LRMDA: variants seen among roughly 807,000 people sequenced by gnomAD.
LRMDA encodes the protein leucine rich melanocyte differentiation associated.
Under a neutral mutation model 29.8 loss-of-function variants are expected in LRMDA, and 18 were observed. The ratio of observed to expected loss-of-function variants is 0.60; its 90% CI spans 0.42 to 0.90. The LOEUF (loss-of-function observed/expected upper bound fraction) is 0.90, where lower values mean the gene tolerates loss of function less well. Among genes scored for constraint, LRMDA ranks in the 40% least tolerant of loss-of-function variants. The probability of loss-of-function intolerance (pLI) is 0.00; values close to 1 mark genes in which losing one functional copy is unlikely to be tolerated. For missense variants in LRMDA, 273 were observed against 273.9 expected (o/e 1.00, Z 0.02); for synonymous variants, 125 against 109.4 (o/e 1.14, Z -0.89).
Position 75,543,129 on chromosome 10 carries a change from C to G in LRMDA, c.131+104635C>G, listed in dbSNP as rs1384325037. On this transcript the variant is annotated intron_variant, in intron 2 of 6. Transcript: ENST00000611255. Reference sequence around the variant, plus strand: ...CCTGGTAATTGCAAGCAGAGGCTGCCTCTCTGATCTCACCAGTGGTGCTGG... The same window carrying G: ...CCTGGTAATTGCAAGCAGAGGCTGCGTCTCTGATCTCACCAGTGGTGCTGG... Among the ~76,000 whole-genome samples the G allele has an allele frequency of 4.6e-5, 7 of 152,198 alleles. 1 individual carries two copies. Among genetic ancestry groups the G allele is most frequent in the African/African-American group, 1.4e-4 (6 of 41,462 alleles).
At chr10:76,406,036 C>T (rs1355171595) in intron 6 of LRMDA, among the ~76,000 whole-genome samples, 7 of 152,122 alleles carry the variant, frequency 4.6e-5, no homozygotes, top group African/African-American at 1.2e-4. Context: ...AACTGGCCAG[C>T]GAGGAAAACC....
chr10:76,084,364 A>ATTTTTGTTTTTT (rs1849099143), intron 5 of LRMDA, among the ~76,000 whole-genome samples: 2 of 70,902 alleles, frequency 2.8e-5, no homozygotes, highest in Non-Finnish European at 2.6e-5. Context: ...CGCCCAGCTA[A>ATTTTTGTTTTTT]TTTTTTTTTT....
chr10:75,587,857 G>C (rs1330917643), intron 2 of LRMDA, among the ~76,000 whole-genome samples: 2 of 152,226 alleles, frequency 1.3e-5, no homozygotes, highest in Non-Finnish European at 2.9e-5. Context: ...ATGACTGACT[G>C]GTTCCAGTGT....
At chr10:75,999,858 G>A (rs934936682) in intron 2 of LRMDA, among the ~76,000 whole-genome samples, 5 of 152,128 alleles carry the variant, frequency 3.3e-5, no homozygotes, top group African/African-American at 7.2e-5. Context: ...TATTGTATGC[G>A]GGAGTACTTT....
At chr10:75,657,641 T>C (rs1035178791) in intron 2 of LRMDA, among the ~76,000 whole-genome samples, 7 of 152,150 alleles carry the variant, frequency 4.6e-5, no homozygotes, top group African/African-American at 1.7e-4. Context: ...AGGATTGTTG[T>C]GAAGAGTCAA....
intron 6 of LRMDA, among the ~76,000 whole-genome samples, chr10:76,538,055 ATTACT>A (rs1158973892): frequency 6.6e-6 from 1 of 152,194 alleles, no homozygotes; most frequent in African/African-American, 2.4e-5. Flanking sequence ...GTGTTCCAAA[ATTACT>A]TTAATTAATT....
chr10:75,636,219 CT>C (rs1380819429), intron 2 of LRMDA, among the ~76,000 whole-genome samples: 1 of 152,212 alleles, frequency 6.6e-6, no homozygotes, highest in Middle Eastern at 3.2e-3. Flanking sequence ...CCTGCATAAG[CT>C]TTAGATTCAG....
chr10:76,423,305 G>T (rs1441363466), intron 6 of LRMDA, among the ~76,000 whole-genome samples: 1 of 152,130 alleles, frequency 6.6e-6, no homozygotes, highest in Non-Finnish European at 1.5e-5. Flanking sequence ...GAGGTGGGAG[G>T]ATCGCTTCAG....
At chr10:75,451,625 G>A (rs1483901361) in intron 2 of LRMDA, 1 of 152,004 alleles carries the variant, frequency 6.6e-6, no homozygotes, top group African/African-American at 2.4e-5. Context: ...GGAAGTGGAG[G>A]GGAGAAAAAT....
intron 5 of LRMDA, among the ~76,000 whole-genome samples, chr10:76,221,225 C>G (rs1440209454): frequency 6.6e-5 from 10 of 152,120 alleles, no homozygotes; most frequent in African/African-American, 2.4e-4. Flanking sequence ...ACAGGGATGC[C>G]CTCTCTCACC....
chr10:76,513,506 T>C (rs903026104), intron 6 of LRMDA, among the ~76,000 whole-genome samples: 5 of 152,104 alleles, frequency 3.3e-5, no homozygotes, highest in African/African-American at 9.7e-5. Flanking sequence ...CTTCAGAGAG[T>C]ACCAACTCAT....
At chr10:76,125,518 G>A (rs12098536) in intron 5 of LRMDA, among the ~76,000 whole-genome samples, 2,092 of 152,206 alleles carry the variant, frequency 0.014, 49 homozygotes, top group African/African-American at 0.047. Flanking sequence ...AATGATGAAA[G>A]GTCATTTAAT....
At chr10:76,348,714 A>G (rs748519935) in intron 6 of LRMDA, among the ~76,000 whole-genome samples, 1 of 152,184 alleles carries the variant, frequency 6.6e-6, no homozygotes, top group African/African-American at 2.4e-5. Context: ...AGGCTAATCT[A>G]TGATTAGGTA....
At chr10:75,938,997 T>C (rs761730347) in intron 2 of LRMDA, among the ~76,000 whole-genome samples, 1 of 148,664 alleles carries the variant, frequency 6.7e-6, no homozygotes, top group Non-Finnish European at 1.5e-5. Flanking sequence ...TAGCACCAAT[T>C]ACCTTAGTGA....
rs115228966 is a variant in LRMDA, at chr10:75,918,758, T to C, written c.132-117250T>C. On this transcript the variant is annotated intron_variant, in intron 2 of 6. Coordinates refer to ENST00000611255, the MANE Select transcript of LRMDA (RefSeq NM_001305581.2). ...GAAGAGGGGCTTTGACTTTGGAGCA[T>C]AGAGAGCATAGAGTAGGTAAGTATG... Among the ~76,000 whole-genome samples, 563 of 152,226 alleles carry C rather than the reference T, an allele frequency of 3.7e-3. 1 individual carries two copies. Among genetic ancestry groups the C allele is most frequent in the African/African-American group, 0.013 (536 of 41,560 alleles).
chr10:75,683,839 A>G (rs1333465079), intron 2 of LRMDA, among the ~76,000 whole-genome samples: 1 of 152,242 alleles, frequency 6.6e-6, no homozygotes, highest in Non-Finnish European at 1.5e-5. Flanking sequence ...TTTGCTGAGC[A>G]TGGGGCTTAG....
At chr10:75,757,658 T>C (rs1290895293) in intron 2 of LRMDA, among the ~76,000 whole-genome samples, 2 of 152,148 alleles carry the variant, frequency 1.3e-5, no homozygotes, top group African/African-American at 4.8e-5. Flanking sequence ...ATTCACTGAG[T>C]TAAGATGGTA....
chr10:75,774,322 A>T (rs2132237314), intron 2 of LRMDA, among the ~76,000 whole-genome samples: 1 of 152,278 alleles, frequency 6.6e-6, no homozygotes, highest in Admixed American at 6.5e-5. Flanking sequence ...TTTTGAAATT[A>T]TGAGTACTGT....
At chr10:76,196,927 AC>A (rs1231004878) in intron 5 of LRMDA, among the ~76,000 whole-genome samples, 1 of 152,066 alleles carries the variant, frequency 6.6e-6, no homozygotes, top group East Asian at 1.9e-4. Flanking sequence ...TTATGGTGCA[AC>A]CCTTTTCTCT....
Sources: gnomAD v4.1 joint callset for allele counts (sites outside exome capture counted in the v4.1 genomes callset) on GRCh38, gnomAD v4.1.1 for gene constraint, MANE v1.5 for transcripts, NCBI Gene and HGNC (gene_info 2026-07-23, HGNC 2026-07-21) for gene names.